The following NRXN3 variants were observed in gnomAD, a reference collection of about 807,000 sequenced individuals.
NRXN3 encodes the protein neurexin III.
NRXN3 carries 32 observed loss-of-function variants against 137.6 expected under a neutral mutation model. The ratio of observed to expected loss-of-function variants is 0.23; its 90% CI spans 0.18 to 0.31. The LOEUF (loss-of-function observed/expected upper bound fraction) is 0.31. NRXN3 is among the 10% of genes least tolerant of loss of function. NRXN3 has a pLI of 1.00. For missense variants in NRXN3, 1,574 were observed against 2,062.5 expected (o/e 0.76, Z 4.59); for synonymous variants, 798 against 784.5 (o/e 1.02, Z -0.29).
At chr14:79,560,456 C>T (rs2097481032) in intron 16 of NRXN3, among the ~76,000 whole-genome samples, 1 of 146,260 alleles carries the variant, frequency 6.8e-6, no homozygotes, top group Admixed American at 7.0e-5. Context: ...GCCATTTTGA[C>T]ACCTGGACAG....
At chr14:79,026,505 A>T (rs2099598247) in intron 15 of NRXN3, among the ~76,000 whole-genome samples, 1 of 152,086 alleles carries the variant, frequency 6.6e-6, no homozygotes, top group Admixed American at 6.6e-5. Context: ...AAACAATAAA[A>T]CAAACCAACA....
intron 15 of NRXN3, among the ~76,000 whole-genome samples, chr14:79,153,641 T>C (rs2059996164): frequency 6.6e-6 from 1 of 151,966 alleles, no homozygotes; most frequent in Non-Finnish European, 1.5e-5. Context: ...TTTATGAAGG[T>C]TTCTCAGGAG....
chr14:79,710,412 G>A (rs2098799175), intron 19 of NRXN3, among the ~76,000 whole-genome samples: 1 of 152,128 alleles, frequency 6.6e-6, no homozygotes, highest in South Asian at 2.1e-4. Flanking sequence ...ATTCTCTCCT[G>A]TTTCTCATTC....
intron 4 of NRXN3, among the ~76,000 whole-genome samples, chr14:78,401,988 G>A (rs2092112588): frequency 6.6e-6 from 1 of 152,194 alleles, no homozygotes; most frequent in African/African-American, 2.4e-5. Flanking sequence ...ATTATTGCAT[G>A]CTTTAAAATG....
intron 4 of NRXN3, among the ~76,000 whole-genome samples, chr14:78,454,692 A>G (rs1178593607): frequency 6.6e-6 from 1 of 152,252 alleles, no homozygotes; most frequent in African/African-American, 2.4e-5. Flanking sequence ...TATGGTGCAT[A>G]GAAGATGAGT....
At chr14:78,289,142 C>T (rs1448657366) in intron 3 of NRXN3, among the ~76,000 whole-genome samples, 1 of 152,176 alleles carries the variant, frequency 6.6e-6, no homozygotes, top group Non-Finnish European at 1.5e-5. Context: ...TCCAGCAATT[C>T]GATCCATTCT....
chr14:78,584,922 C>T (rs1490269970), intron 4 of NRXN3, among the ~76,000 whole-genome samples: 1 of 152,110 alleles, frequency 6.6e-6, no homozygotes, highest in Non-Finnish European at 1.5e-5. Context: ...TTTGGTTTGT[C>T]TATTTCTTTA....
intron 15 of NRXN3, among the ~76,000 whole-genome samples, chr14:79,107,879 A>G (rs2052735236): frequency 6.6e-6 from 1 of 152,208 alleles, no homozygotes; most frequent in South Asian, 2.1e-4. Flanking sequence ...AAGTAAAAAA[A>G]GATTAATCCT....
chr14:78,966,079 T>C lies in NRXN3; in HGVS notation c.2450T>C (p.Ile817Thr). 6.2e-7 allele frequency: 1 copy of C among 1,614,188 alleles called. No homozygotes were observed. The highest frequency in any genetic ancestry group is 1.1e-5 in the South Asian group (1 of 91,078). Residue 817 changes from isoleucine (I) to threonine (T), a missense_variant, in exon 12 of 21, where the codon ATC becomes ACC. By Grantham distance (89) the Ile-to-Thr change is moderately conservative. This residue lies in a region of NRXN3 where 718 missense variants were observed against 887.6 expected (regional missense o/e 0.81). Transcript: ENST00000335750. ...GAGTTCCACAACATTGAAACGGGAA[T>C]CATGACTGAGAAACGCTACATCTCC... is the stretch of plus-strand genomic sequence containing the variant. ...RLEFHNIETG[I>T]MTEKRYISVV...
chr14:78,613,793 A>C (rs987659276), intron 4 of NRXN3, among the ~76,000 whole-genome samples: 1 of 152,062 alleles, frequency 6.6e-6, no homozygotes, highest in South Asian at 2.1e-4. Context: ...AACAGAACAT[A>C]CATAGCTCAG....
intron 15 of NRXN3, among the ~76,000 whole-genome samples, chr14:79,040,079 A>G (rs2099622681): frequency 2.0e-5 from 3 of 152,148 alleles, no homozygotes; most frequent in African/African-American, 7.2e-5. Flanking sequence ...CACAGTTCCC[A>G]TCTCGCTCAT....
chr14:78,181,465 G>T (rs977740679), intron 1 of NRXN3, among the ~76,000 whole-genome samples: 1 of 152,206 alleles, frequency 6.6e-6, no homozygotes, highest in African/African-American at 2.4e-5. Flanking sequence ...GCTCTGTGAG[G>T]TTTGGTCTCC....
intron 10 of NRXN3, among the ~76,000 whole-genome samples, chr14:78,835,197 G>A (rs1171323368): frequency 2.0e-5 from 3 of 152,158 alleles, no homozygotes; most frequent in Non-Finnish European, 4.4e-5. Flanking sequence ...AGAGAATAGC[G>A]GTGGCGGACA....
intron 4 of NRXN3, among the ~76,000 whole-genome samples, chr14:78,318,309 T>A (rs185392537): frequency 1.7e-4 from 26 of 152,264 alleles, no homozygotes; most frequent in African/African-American, 6.0e-4. Context: ...TCTGTGGGAA[T>A]GGAGTGAATG....
intron 15 of NRXN3, among the ~76,000 whole-genome samples, chr14:79,368,129 G>A (rs1321844807): frequency 1.3e-5 from 2 of 152,146 alleles, no homozygotes; most frequent in Non-Finnish European, 2.9e-5. Context: ...TTAGGAGCAG[G>A]ATTTCTGTTT....
At chr14:79,132,016 A>T (rs1028476351) in intron 15 of NRXN3, among the ~76,000 whole-genome samples, 1 of 152,260 alleles carries the variant, frequency 6.6e-6, no homozygotes, top group Non-Finnish European at 1.5e-5. Flanking sequence ...CGAGTGAGGC[A>T]ATGCCTCGCC....
At chr14:78,236,122 A>G (rs2066264297) in intron 1 of NRXN3, among the ~76,000 whole-genome samples, 1 of 152,214 alleles carries the variant, frequency 6.6e-6, no homozygotes, top group Non-Finnish European at 1.5e-5. Context: ...AGTTGCTTTT[A>G]TTGAAATATA....
chr14:79,761,303 T>C (rs1399402688), intron 19 of NRXN3, among the ~76,000 whole-genome samples: 2 of 151,608 alleles, frequency 1.3e-5, no homozygotes, highest in Non-Finnish European at 2.9e-5. Context: ...GCAATGATCC[T>C]TCATCATAGC....
chr14:79,817,304 T>A (rs1356618423), intron 20 of NRXN3, among the ~76,000 whole-genome samples: 1 of 152,128 alleles, frequency 6.6e-6, no homozygotes, highest in Non-Finnish European at 1.5e-5. Context: ...CTGCCTGCCT[T>A]GGCCTCCCGA....
Sources: allele counts gnomAD v4.1 joint callset (sites outside exome capture counted in the v4.1 genomes callset), GRCh38; gene constraint gnomAD v4.1.1; regional missense constraint gnomAD v4.1.1; transcripts MANE v1.5; gene names NCBI Gene and HGNC (gene_info 2026-07-23, HGNC 2026-07-21).